Variants in KIF26A observed in about 807,000 individuals in gnomAD.
KIF26A encodes the protein kinesin-like protein KIF26A.
KIF26A carries 74 observed loss-of-function variants against 126.0 expected under a neutral mutation model. That is an observed-to-expected ratio of 0.59 (90% confidence interval 0.49 to 0.71). The LOEUF (loss-of-function observed/expected upper bound fraction) is 0.71, where lower values mean the gene tolerates loss of function less well. Ranked by LOEUF, KIF26A falls within the 30% of genes least tolerant of loss-of-function variation. The pLI is 0.00. For synonymous variants in KIF26A, 1,445 were observed against 1,232.7 expected, an observed-to-expected ratio of 1.17 and a Z score of -3.61; for missense variants, 2,984 against 2,763.3, an observed-to-expected ratio of 1.08 and a Z score of -1.79.
At position 104,157,760 on chromosome 14, in the gene KIF26A, G is replaced by A. The variant is rs59385807; in HGVS notation, c.741G>A (p.Glu247=). 1 of 1,610,822 alleles carries A rather than the reference G, an allele frequency of 6.2e-7. No individual in the cohort carries two copies. Among genetic ancestry groups the A allele is most frequent in the East Asian group, 2.2e-5 (1 of 44,830 alleles). Reference sequence around the variant, plus strand: ...CACTCTCTCCTTCCCTCCAGGCCGAGGCAGCGGTGGCGGCCGTGGCGGTGG... The same window carrying A: ...CACTCTCTCCTTCCCTCCAGGCCGAAGCAGCGGTGGCGGCCGTGGCGGTGG... ...NSFLPPACLA[E]AAVAAVAVAD... The change falls in exon 4 of 15, where the codon GAG becomes GAA. Residue 247 remains glutamate, a synonymous_variant. Coordinates refer to ENST00000423312, the MANE Select transcript of KIF26A (RefSeq NM_015656.2).
At chr14:104,167,168 T>G (rs988088799) in intron 5 of KIF26A, 120 bp downstream of exon 5, 12 of 1,125,138 alleles carry the variant, frequency 1.1e-5, no homozygotes, top group Non-Finnish European at 1.5e-5. Context: ...ATAAGGGTGG[T>G]CAGTGGGGTG....
chr14:104,175,670 C>G lies in KIF26A; in HGVS notation c.2882C>G (p.Ala961Gly). The change falls in exon 12 of 15, where the codon GCC (alanine) becomes GGC (glycine). Residue 961 changes from alanine (A) to glycine (G), a missense_variant. By Grantham distance (60) the Ala-to-Gly change is moderately conservative (BLOSUM62 0). Transcript: ENST00000423312. ...CCCCCACCTCCTCAGTTGCTGGAAG[C>G]CTGCAGAGCCCCAGAAGAGCCTGGG... ...PAPPPPQLLE[A>G]CRAPEEPGGG... The G allele has an allele frequency of 6.2e-7, 1 of 1,607,342 alleles. No individual in the cohort carries two copies. The highest frequency in any genetic ancestry group is 8.5e-7 in the Non-Finnish European group (1 of 1,178,062).
chr14:104,176,133 C>T lies in KIF26A; in HGVS notation c.3345C>T (p.Ser1115=), dbSNP rs751429424. 56 of 1,580,294 alleles carry T rather than the reference C, an allele frequency of 3.5e-5. 2 individuals are homozygous for T. The highest frequency in any genetic ancestry group is 1.7e-4 in the Middle Eastern group (1 of 5,994). The part of the protein sequence containing the change: ...SHGSSISSWL[S]EVSVCTADSR... ...GCTCCTCCATCAGCTCCTGGCTCAG[C>T]GAGGTCAGCGTCTGCACTGCCGACA... Residue 1115 remains serine, a synonymous_variant, in exon 12 of 15, where the codon AGC becomes AGT. Coordinates refer to ENST00000423312, the MANE Select transcript of KIF26A (RefSeq NM_015656.2).
rs766034493 is a variant in KIF26A at position 104,166,993 on chromosome 14, C to A, written c.1058C>A (p.Pro353His). 2 of 1,583,410 alleles carry A rather than the reference C, an allele frequency of 1.3e-6. No individual in the cohort carries two copies. Among genetic ancestry groups the A allele is most frequent in the Middle Eastern group, 1.7e-4 (1 of 5,990 alleles). The change falls in exon 5 of 15, where the codon CCC becomes CAC. Residue 353 changes from proline (P) to histidine (H), a missense_variant. Coordinates refer to ENST00000423312, the MANE Select transcript of KIF26A (RefSeq NM_015656.2). The stretch of plus-strand genomic sequence containing the variant: ...CAGCTGTGGCCGCCCCCGGCGCCCC[C>A]CTGCCTGCTCAGGGCCGCCTCCAAG... ...VLQLWPPPAPPCLLRAASKTK... is the reference protein window; with the variant it reads ...VLQLWPPPAPHCLLRAASKTK...
chr14:104,174,167 C>A lies in KIF26A; in HGVS notation c.2050C>A (p.Leu684Met). The A allele has an allele frequency of 1.9e-6, 3 of 1,587,066 alleles. No individual in the cohort carries two copies. The highest frequency in any genetic ancestry group is 1.1e-5 in the South Asian group (1 of 87,038). Residue 684 changes from leucine to methionine, a missense_variant, in exon 11 of 15, where the codon CTG becomes ATG. Leu to Met is a conservative substitution (Grantham distance 15). Transcript: ENST00000423312. ...VPYRDHRLTMLLRESLATAGC... is the reference protein window; with the variant it reads ...VPYRDHRLTMMLRESLATAGC... Reference sequence around the variant, plus strand: ...CCGCAGGGACCACAGGCTCACCATGCTGCTGCGTGAATCCCTGGCCACCGC... The same window carrying A: ...CCGCAGGGACCACAGGCTCACCATGATGCTGCGTGAATCCCTGGCCACCGC...
In KIF26A at chr14:104,143,518, C is replaced by T. The variant is rs1203108072; in HGVS notation, c.288+4230C>T. On this transcript the variant is annotated intron_variant, in intron 2 of 14. Coordinates refer to ENST00000423312, the MANE Select transcript of KIF26A (RefSeq NM_015656.2). ...TTTCGTTCCTCCTCTGTCACTTGTC[C>T]GAGGAAGCCCTCTTAGCCCCCTGGA... Among the ~76,000 whole-genome samples, 3 of 152,156 alleles carry T rather than the reference C, an allele frequency of 2.0e-5. No homozygotes were observed. The East Asian group carries it at 5.8e-4, about 29-fold the overall frequency.
intron 5 of KIF26A, among the ~76,000 whole-genome samples, chr14:104,167,835 C>T (rs1364165785): frequency 6.6e-6 from 1 of 152,164 alleles, no homozygotes; most frequent in African/African-American, 2.4e-5. Context: ...TCCCGCCCAG[C>T]ACCCCGAAAG....
intron 3 of KIF26A, 29 bp from the exon 4 acceptor site, chr14:104,157,726 C>A: frequency 6.2e-7 from 1 of 1,601,298 alleles, no homozygotes; most frequent in Non-Finnish European, 8.5e-7. Context: ...CCCTTGCGTT[C>A]CTTATACGCA....
At chr14:104,166,739 G>C (rs1021636916) in intron 4 of KIF26A, 120 bp from the exon 5 acceptor site, 1 of 994,120 alleles carries the variant, frequency 1.0e-6, no homozygotes, top group Non-Finnish European at 1.4e-6. Context: ...TTTTGGACTG[G>C]GTTTCCTGGG....
At chr14:104,138,852 GC>G (rs1466760719) in intron 1 of KIF26A, 88 bp downstream of exon 1, 8 of 1,260,198 alleles carry the variant, frequency 6.3e-6, no homozygotes, top group Non-Finnish European at 7.0e-6. Flanking sequence ...ATCCCTGGGG[GC>G]CGGGCCTCCT....
At chr14:104,178,840 C>G in intron 13 of KIF26A, 85 bp downstream of exon 13, 1 of 786,396 alleles carries the variant, frequency 1.3e-6, no homozygotes, top group Non-Finnish European at 2.0e-6. Flanking sequence ...ATGGGCTCGC[C>G]AGGCCTCTGG....
At chr14:104,139,701 G>C (rs1318457078) in intron 2 of KIF26A, among the ~76,000 whole-genome samples, 1 of 152,226 alleles carries the variant, frequency 6.6e-6, no homozygotes, top group Non-Finnish European at 1.5e-5. Flanking sequence ...CCAGCCAGGT[G>C]TCTGGAAATT....
At position 104,152,724 on chromosome 14, in the gene KIF26A, CTG is replaced by C. The variant is rs2141095715; in HGVS notation, c.735+264_735+265del. 6.6e-6 allele frequency among the ~76,000 whole-genome samples: 1 copy of C among 152,298 alleles called. No homozygotes were observed. The highest frequency in any genetic ancestry group is 2.4e-5 in the African/African-American group (1 of 41,564). ...GCCCCTCCCTGTCTGTCTTTTGAGA[CTG>C]GGGCTGAGGGCCCACCAGTGCCCAG... On this transcript the variant is annotated intron_variant, in intron 3 of 14. Coordinates refer to ENST00000423312, the MANE Select transcript of KIF26A (RefSeq NM_015656.2). The surrounding 1 kb of genome is among the most constrained non-coding windows in gnomAD (Gnocchi z 5.9).
At position 104,152,532 on chromosome 14, in the gene KIF26A, T is replaced by G; in HGVS notation, c.735+71T>G. 8 of 1,405,130 alleles carry G rather than the reference T, an allele frequency of 5.7e-6. No homozygotes were observed. The highest frequency in any genetic ancestry group is 6.6e-6 in the Non-Finnish European group (7 of 1,056,678). 87.0% of individuals were successfully genotyped at this position (1,405,130 alleles called of 1,614,324 possible). A position where few individuals can be genotyped will look rare whatever the true frequency, so the allele number is the denominator to read the frequency against. ...GAACTGGGCTTCCTTCGGGGGTCTC[T>G]GTCCACGTTGAGTGCCCTGCAGTAA... On this transcript the variant is annotated intron_variant, in intron 3 of 14. Coordinates refer to ENST00000423312, the MANE Select transcript of KIF26A (RefSeq NM_015656.2). The surrounding 1 kb of genome is among the most constrained non-coding windows in gnomAD (Gnocchi z 5.9).
Position 104,176,485 on chromosome 14 carries a change from C to T in KIF26A, c.3697C>T (p.Pro1233Ser), listed in dbSNP as rs777970705. The T allele has an allele frequency of 1.2e-6, 2 of 1,606,362 alleles. No individual in the cohort carries two copies. The highest frequency in any genetic ancestry group is 1.7e-6 in the Non-Finnish European group (2 of 1,179,560). ...VGCARLGQSP[P>S]GRGGLFEDPW... ...CTGTGCTCGCCTGGGCCAGAGCCCA[C>T]CTGGCCGTGGAGGCCTGTTTGAGGA... The change falls in exon 12 of 15, where the codon CCT becomes TCT. Residue 1233 changes from proline to serine, a missense_variant. Pro to Ser is a moderately conservative substitution (Grantham distance 74). Transcript: ENST00000423312.
At position 104,176,882 on chromosome 14, in the gene KIF26A, C is replaced by T; in HGVS notation, c.4094C>T (p.Pro1365Leu). Reference sequence around the variant, plus strand: ...AGTGGGGCGGCCCCCCCGGCCCCACCCACGCGGAAGTCCAGCCTGGAGCAG... The same window carrying T: ...AGTGGGGCGGCCCCCCCGGCCCCACTCACGCGGAAGTCCAGCCTGGAGCAG... ...RPSGAAPPAP[P>L]TRKSSLEQRS... The change falls in exon 12 of 15, where the codon CCC becomes CTC. Residue 1365 changes from proline (P) to leucine (L), a missense_variant. Coordinates refer to ENST00000423312, the MANE Select transcript of KIF26A (RefSeq NM_015656.2). 1 of 1,542,408 alleles carries T rather than the reference C, an allele frequency of 6.5e-7. No homozygotes were observed. Among genetic ancestry groups the T allele is most frequent in the Non-Finnish European group, 8.7e-7 (1 of 1,145,680 alleles).
At chr14:104,160,020 C>T (rs1446600343) in intron 4 of KIF26A, among the ~76,000 whole-genome samples, 1 of 152,136 alleles carries the variant, frequency 6.6e-6, no homozygotes, top group African/African-American at 2.4e-5. Context: ...TGTGCTCCCA[C>T]CTCCACCCTC....
chr14:104,166,224 C>T (rs2037900081), intron 4 of KIF26A, among the ~76,000 whole-genome samples: 1 of 152,078 alleles, frequency 6.6e-6, no homozygotes, highest in Non-Finnish European at 1.5e-5. Flanking sequence ...GCTCTAGGGC[C>T]TTGGTGATCG....
chr14:104,169,275 C>G (rs1183644414), intron 5 of KIF26A, among the ~76,000 whole-genome samples: 1 of 152,248 alleles, frequency 6.6e-6, no homozygotes, highest in Admixed American at 6.5e-5. Context: ...CTGGCTCTGG[C>G]CTGGGCCTGG....
Sources: gnomAD v4.1 joint callset for allele counts (sites outside exome capture counted in the v4.1 genomes callset) on GRCh38, gnomAD v4.1.1 for gene constraint, Gnocchi (gnomAD v3.1) non-coding constraint, MANE v1.5 for transcripts, NCBI Gene and HGNC (gene_info 2026-07-23, HGNC 2026-07-21) for gene names.